The following SDK2 variants were observed in gnomAD, a reference collection of about 807,000 sequenced individuals.
SDK2 encodes the protein protein sidekick-2.
Under a neutral mutation model 253.9 loss-of-function variants are expected in SDK2, and 105 were observed. The ratio of observed to expected loss-of-function variants is 0.41; its 90% CI spans 0.35 to 0.49. The LOEUF (loss-of-function observed/expected upper bound fraction) is 0.49, where lower values mean the gene tolerates loss of function less well. SDK2 is among the 20% of genes least tolerant of loss of function. The pLI is 0.06. For synonymous variants in SDK2, 1,249 were observed against 1,234.9 expected, an observed-to-expected ratio of 1.01 and a Z score of -0.24; for missense variants, 2,608 against 3,003.0, an observed-to-expected ratio of 0.87 and a Z score of 3.07.
At chr17:73,419,456 G>T in intron 15 of SDK2, 150 bp from the exon 16 acceptor site, 1 of 809,100 alleles carries the variant, frequency 1.2e-6, no homozygotes, top group Non-Finnish European at 1.9e-6. Flanking sequence ...ACTTCTCTGA[G>T]CTTGTTCTAT....
intron 1 of SDK2, among the ~76,000 whole-genome samples, chr17:73,548,762 C>T (rs1186850526): frequency 6.6e-6 from 1 of 152,234 alleles, no homozygotes; most frequent in Non-Finnish European, 1.5e-5. Flanking sequence ...GGAAATCAGG[C>T]TTCTCTCTCA....
Position 73,415,988 on chromosome 17 carries a change from A to G in SDK2, c.2191T>C (p.Cys731Arg). 1 of 1,609,874 alleles carries G rather than the reference A, an allele frequency of 6.2e-7. No individual in the cohort carries two copies. Among genetic ancestry groups the G allele is most frequent in the Middle Eastern group, 1.7e-4 (1 of 6,060 alleles). The change falls in exon 17 of 45, where the codon TGC becomes CGC. Residue 731 changes from cysteine to arginine, a missense_variant. By Grantham distance (180) the Cys-to-Arg change is radical. Coordinates refer to ENST00000392650, the MANE Select transcript of SDK2 (RefSeq NM_001144952.2). ...GILKGYIIRY[C>R]LAGLPVGYQF... ...TACCCCACGGGCAGCCCGGCCAGGC[A>G]GTACCTGAGGGGAAGAGGCGAGGCA...
chr17:73,599,304 G>T (rs2045805194), intron 1 of SDK2, among the ~76,000 whole-genome samples: 1 of 152,178 alleles, frequency 6.6e-6, no homozygotes, highest in Non-Finnish European at 1.5e-5. Flanking sequence ...GGCCGAAGGG[G>T]GTGGATCACT....
At chr17:73,386,855 G>T (rs1384852009) in intron 30 of SDK2, among the ~76,000 whole-genome samples, 1 of 152,088 alleles carries the variant, frequency 6.6e-6, no homozygotes, top group Admixed American at 6.6e-5. Flanking sequence ...TCCCCACTTC[G>T]CAGAACCATG....
rs773847301 is a variant in SDK2, at chr17:73,390,347, G to C, written c.4132C>G (p.Gln1378Glu). Residue 1378 changes from glutamine (Q) to glutamate (E), a missense_variant, in exon 29 of 45, where the codon CAG (glutamine) becomes GAG (glutamate). Gln to Glu is a conservative substitution (Grantham distance 29). Coordinates refer to ENST00000392650, the MANE Select transcript of SDK2 (RefSeq NM_001144952.2). ...ESVYLFRITA[Q>E]TRKGWGEAAE... ...GCTTCTCCCCAGCCCTTGCGGGTCT[G>C]GGCCGTGATGCGGAACAGGTAGACA... 6.2e-7 allele frequency: 1 copy of C among 1,610,654 alleles called. No homozygotes were observed. The highest frequency in any genetic ancestry group is 1.1e-5 in the South Asian group (1 of 90,874).
In SDK2 at chr17:73,433,754, T is replaced by C; in HGVS notation, c.1290A>G (p.Arg430=). ...TACCTTTCTGCCAAGTGATAGCTGG[T>C]CGGGGCGCCCCCGAGGTCTCACATG... ...VLACETSGAP[R]PAITWQKGER... Residue 430 remains arginine (R), a synonymous_variant, in exon 10 of 45, where the codon CGA becomes CGG. Transcript: ENST00000392650. 1 of 1,607,420 alleles carries C rather than the reference T, an allele frequency of 6.2e-7. No individual in the cohort carries two copies. Among genetic ancestry groups the C allele is most frequent in the South Asian group, 1.1e-5 (1 of 89,338 alleles).
chr17:73,643,973 C>A lies in SDK2; in HGVS notation c.64+52G>T. ...CCGGCCAGCTCCCGCCGCCCCTCCC[C>A]CGCCCACTCTCCCAGCCCCCTCCCT... On this transcript the variant is annotated intron_variant, in intron 1 of 44. Transcript: ENST00000392650. The surrounding 1 kb of genome is among the most constrained non-coding windows in gnomAD (Gnocchi z 6.9). 1 of 1,078,168 alleles carries A rather than the reference C, an allele frequency of 9.3e-7. No individual in the cohort carries two copies. The highest frequency in any genetic ancestry group is 1.4e-5 in the South Asian group (1 of 73,680). 66.8% of individuals were successfully genotyped at this position (1,078,168 alleles called of 1,614,324 possible).
Position 73,478,650 on chromosome 17 carries a change from A to G in SDK2, c.225-6432T>C, listed in dbSNP as rs186115113. Among the ~76,000 whole-genome samples, 512 of 152,334 alleles carry G rather than the reference A, an allele frequency of 3.4e-3. 4 individuals are homozygous for G. The highest frequency in any genetic ancestry group is 0.012 in the African/African-American group (492 of 41,584). ...CGACAAGAGAGGAGCAGGGGGGACAATAACAGCCTAACAAATGTGGCATCT... is the reference window on the plus strand; with the variant it reads ...CGACAAGAGAGGAGCAGGGGGGACAGTAACAGCCTAACAAATGTGGCATCT... On this transcript the variant is annotated intron_variant, in intron 2 of 44. Coordinates refer to ENST00000392650, the MANE Select transcript of SDK2 (RefSeq NM_001144952.2).
intron 26 of SDK2, among the ~76,000 whole-genome samples, chr17:73,393,972 C>T (rs558799381): frequency 3.9e-5 from 6 of 152,212 alleles, no homozygotes; most frequent in Non-Finnish European, 4.4e-5. Flanking sequence ...GGGCATCCAG[C>T]GTGGCCTCCC....
intron 2 of SDK2, among the ~76,000 whole-genome samples, chr17:73,503,798 C>T (rs997829445): frequency 1.3e-5 from 2 of 152,328 alleles, no homozygotes; most frequent in South Asian, 2.1e-4. Context: ...TTGCCCACCA[C>T]GACTGGTCAG....
chr17:73,532,967 G>T (rs945488124), intron 1 of SDK2, among the ~76,000 whole-genome samples: 4 of 152,184 alleles, frequency 2.6e-5, no homozygotes, highest in Non-Finnish European at 5.9e-5. Context: ...ATTTAATAAA[G>T]ATGAGTATAA....
intron 22 of SDK2, 41 bp downstream of exon 22, chr17:73,399,127 C>T: frequency 1.2e-6 from 2 of 1,607,032 alleles, no homozygotes; most frequent in Non-Finnish European, 1.7e-6. Context: ...GCACGGGGTG[C>T]CCTGGCGGGG....
chr17:73,415,614 T>TGTGCCACTGTAGCATGTAGC (rs1416618312), intron 17 of SDK2, among the ~76,000 whole-genome samples, 197 bp downstream of exon 17: 1 of 152,126 alleles, frequency 6.6e-6, no homozygotes, highest in Non-Finnish European at 1.5e-5. Context: ...CCTGAGTAGC[T>TGTGCCACTGTAGCATGTAGC]GTGCCACTGT....
At chr17:73,546,700 C>T (rs1472659570) in intron 1 of SDK2, among the ~76,000 whole-genome samples, 1 of 152,204 alleles carries the variant, frequency 6.6e-6, no homozygotes, top group Non-Finnish European at 1.5e-5. Context: ...GGTCTTGGGG[C>T]CCTTGTGGGT....
intron 1 of SDK2, among the ~76,000 whole-genome samples, chr17:73,587,672 G>T (rs2045620774): frequency 6.6e-6 from 1 of 152,180 alleles, no homozygotes; most frequent in African/African-American, 2.4e-5. Context: ...AGCCCCGGGG[G>T]ACAATCACCT....
At chr17:73,607,623 T>A (rs2045923909) in intron 1 of SDK2, among the ~76,000 whole-genome samples, 1 of 151,584 alleles carries the variant, frequency 6.6e-6, no homozygotes, top group African/African-American at 2.4e-5. Flanking sequence ...AGCCAAGGAG[T>A]CACCTGGGGT....
At chr17:73,550,043 G>A (rs573311702) in intron 1 of SDK2, among the ~76,000 whole-genome samples, 13 of 152,100 alleles carry the variant, frequency 8.5e-5, no homozygotes, top group African/African-American at 2.9e-4. Flanking sequence ...ACTGTGTCCC[G>A]GGGGCACTGA....
At chr17:73,596,831 G>A (rs930160166) in intron 1 of SDK2, among the ~76,000 whole-genome samples, 6 of 152,158 alleles carry the variant, frequency 3.9e-5, no homozygotes, top group Non-Finnish European at 4.4e-5. Flanking sequence ...CATGGCTGGC[G>A]GTGTCTGAGC....
chr17:73,456,909 A>G (rs1024860866), intron 3 of SDK2, among the ~76,000 whole-genome samples: 1 of 152,320 alleles, frequency 6.6e-6, no homozygotes, highest in Non-Finnish European at 1.5e-5. Flanking sequence ...TTGAAAATTA[A>G]TGGACATCCC....
Sources: gnomAD v4.1 joint callset for allele counts (sites outside exome capture counted in the v4.1 genomes callset) on GRCh38, gnomAD v4.1.1 for gene constraint, Gnocchi (gnomAD v3.1) non-coding constraint, MANE v1.5 for transcripts, NCBI Gene and HGNC (gene_info 2026-07-23, HGNC 2026-07-21) for gene names.